The following SPPL2B variants were observed in gnomAD, a reference collection of about 807,000 sequenced individuals.
The protein encoded by SPPL2B is signal peptide peptidase like 2B.
SPPL2B carries 39 observed loss-of-function variants against 59.7 expected under a neutral mutation model. That is an observed-to-expected ratio of 0.65 (90% CI 0.51 to 0.85). The LOEUF is 0.85. SPPL2B is among the 40% of genes least tolerant of loss of function. SPPL2B has a pLI of 0.00. For synonymous variants in SPPL2B, 419 were observed against 370.8 expected, an observed-to-expected ratio of 1.13 and a Z score of -1.49; for missense variants, 865 against 849.0, an observed-to-expected ratio of 1.02 and a Z score of -0.23.
rs778271341 is a variant in SPPL2B, at chr19:2,351,429, C to T, written c.1355-5C>T. 5.0e-6 allele frequency: 8 copies of T among 1,596,052 alleles called. No individual in the cohort carries two copies. The African/African-American group carries it at 8.0e-5, about 16-fold the overall frequency. ...GCTGAGGTGATGCCTCCTCTGTCCCCACAGCCTATGGCGTTGGCCTCCTTG... is the reference window on the plus strand; with the variant it reads ...GCTGAGGTGATGCCTCCTCTGTCCCTACAGCCTATGGCGTTGGCCTCCTTG... On this transcript the variant is annotated splice_polypyrimidine_tract_variant and splice_region_variant and intron_variant, in intron 13 of 14. Coordinates refer to ENST00000613503, the MANE Select transcript of SPPL2B (RefSeq NM_152988.3).
chr19:2,342,681 G>A (rs1056668142), intron 8 of SPPL2B: 2 of 155,590 alleles, frequency 1.3e-5, no homozygotes, highest in Non-Finnish European at 2.9e-5. Flanking sequence ...GTTTGGAGGG[G>A]TCAGTGCCCA....
At chr19:2,340,828 C>A in intron 7 of SPPL2B, 70 bp from the exon 8 acceptor site, 1 of 959,828 alleles carries the variant, frequency 1.0e-6, no homozygotes, top group Non-Finnish European at 1.6e-6. Context: ...GGGCCGGTCC[C>A]AAGGGTGGTG....
chr19:2,336,503 TATGTGC>T (rs1968622114), intron 2 of SPPL2B, among the ~76,000 whole-genome samples: 1 of 151,662 alleles, frequency 6.6e-6, no homozygotes, highest in South Asian at 2.1e-4. Context: ...GTGTAATAGG[TATGTGC>T]GTGTGAGTGT....
chr19:2,337,230 C>T (rs1013375932), intron 2 of SPPL2B: 6 of 486,670 alleles, frequency 1.2e-5, no homozygotes, highest in Non-Finnish European at 2.2e-5. Context: ...AGGACTCCGG[C>T]CCCGCTCAGA....
At chr19:2,343,352 G>A in intron 9 of SPPL2B, 60 bp downstream of exon 9, 1 of 1,394,804 alleles carries the variant, frequency 7.2e-7, no homozygotes, top group East Asian at 2.5e-5. Flanking sequence ...CTTCATCCTA[G>A]CCTGGCCCGT....
At chr19:2,339,467 G>A (rs1162580609) in intron 5 of SPPL2B, among the ~76,000 whole-genome samples, 3 of 152,200 alleles carry the variant, frequency 2.0e-5, no homozygotes, top group South Asian at 2.1e-4. Flanking sequence ...CAGGTGCAGG[G>A]CTGGGCAGGT....
Position 2,344,602 on chromosome 19 carries a change from T to C in SPPL2B, c.1226T>C (p.Leu409Pro). ...VPRLNSSPLA[L>P]CDRPFSLLGF... ...AGGCTGAACTCCTCACCTCTGGCCC[T>C]GTGTGACCGGCCCTTCTCCCTCCTG... The change falls in exon 12 of 15, where the codon CTG becomes CCG. Residue 409 changes from leucine (L) to proline (P), a missense_variant. By Grantham distance (98) the Leu-to-Pro change is moderately conservative (BLOSUM62 -3). Transcript: ENST00000613503. 5 of 1,613,166 alleles carry C rather than the reference T, an allele frequency of 3.1e-6. No homozygotes were observed. Among genetic ancestry groups the C allele is most frequent in the Non-Finnish European group, 4.2e-6 (5 of 1,179,624 alleles).
chr19:2,332,175 C>T lies in SPPL2B; in HGVS notation c.67-2427C>T, dbSNP rs1968323493. 6.6e-6 allele frequency among the ~76,000 whole-genome samples: 1 copy of T among 152,190 alleles called. No homozygotes were observed. On this transcript the variant is annotated intron_variant, in intron 1 of 14. Coordinates refer to ENST00000613503, the MANE Select transcript of SPPL2B (RefSeq NM_152988.3). The surrounding 1 kb of genome is among the most constrained non-coding windows in gnomAD (Gnocchi z 4.6). The stretch of plus-strand genomic sequence containing the variant: ...GCTGTGGGAAGGAAGCAGCATTAGC[C>T]AAGAGCTATGAGACCCCCAGTCGAT...
chr19:2,343,739 C>T (rs113276999), intron 9 of SPPL2B, among the ~76,000 whole-genome samples: 61 of 152,300 alleles, frequency 4.0e-4, no homozygotes, highest in South Asian at 1.7e-3. Context: ...CTCCCGTCCC[C>T]GCCTTCCTGT....
At chr19:2,338,387 G>GGTCGTGT in intron 3 of SPPL2B, 1 of 174,564 alleles carries the variant, frequency 5.7e-6, no homozygotes, top group Admixed American at 6.1e-5. Flanking sequence ...CGTCGTAGTT[G>GGTCGTGT]AGAGAGGCCC....
At position 2,340,633 on chromosome 19, in the gene SPPL2B, A is replaced by G. The variant is rs868310826; in HGVS notation, c.840-265A>G. 74 of 561,104 alleles carry G rather than the reference A, an allele frequency of 1.3e-4. No homozygotes were observed. In the Middle Eastern group the frequency reaches 4.5e-3, roughly 34 times the overall value. 34.8% of individuals were successfully genotyped at this position (561,104 alleles called of 1,614,324 possible). On this transcript the variant is annotated intron_variant, in intron 7 of 14. Transcript: ENST00000613503. ...GGTGAGGAGGTGGGAGGTCTGGAGC[A>G]GGCAGGGCCTCGGGCGAAGGGGCGC...
At chr19:2,336,561 GGT>G (rs757861021) in intron 2 of SPPL2B, among the ~76,000 whole-genome samples, 72 of 151,990 alleles carry the variant, frequency 4.7e-4, no homozygotes, top group Middle Eastern at 3.4e-3. Context: ...GTGTGTAATA[GGT>G]GTGTGTGCGT....
rs73520601 is a variant in SPPL2B, at chr19:2,340,214, G to A, written c.839+42G>A. On this transcript the variant is annotated intron_variant, in intron 7 of 14. Coordinates refer to ENST00000613503, the MANE Select transcript of SPPL2B (RefSeq NM_152988.3). Reference sequence around the variant, plus strand: ...GGCCCCGACGTGCCTGACTCTGTGCGGTGATGGCCACGGCCCCTTTGCCGC... The same window carrying A: ...GGCCCCGACGTGCCTGACTCTGTGCAGTGATGGCCACGGCCCCTTTGCCGC... The A allele has an allele frequency of 2.1e-3, 3,112 of 1,448,006 alleles. 48 individuals are homozygous for A. The African/African-American group carries it at 0.037, about 17-fold the overall frequency. The allele number at this position is 1,448,006 out of a possible 1,614,324, so 89.7% of individuals were successfully genotyped here.
At chr19:2,337,101 C>T (rs576510733) in intron 2 of SPPL2B, 7 of 241,980 alleles carry the variant, frequency 2.9e-5, no homozygotes, top group Admixed American at 5.3e-5. Flanking sequence ...TGGAAACCCT[C>T]CCCCTTCTCA....
Position 2,340,189 on chromosome 19 carries a change from G to A in SPPL2B, c.839+17G>A. On this transcript the variant is annotated intron_variant, in intron 7 of 14. Transcript: ENST00000613503. The stretch of plus-strand genomic sequence containing the variant: ...CAAGTGCAGGTGAGTCTGCCCTGCT[G>A]GCCCCGACGTGCCTGACTCTGTGCG... 2 of 1,532,742 alleles carry A rather than the reference G, an allele frequency of 1.3e-6. No individual in the cohort carries two copies. The allele number at this position is 1,532,742 out of a possible 1,614,324, so 94.9% of individuals were successfully genotyped here.
At position 2,338,827 on chromosome 19, in the gene SPPL2B, C is replaced by T; in HGVS notation, c.445C>T (p.Leu149=). Residue 149 remains leucine, a synonymous_variant, in exon 4 of 15, where the codon CTG becomes TTG. Coordinates refer to ENST00000613503, the MANE Select transcript of SPPL2B (RefSeq NM_152988.3). ...PVALLSYKDM[L]DIFTRFGRTV... ...GGCCCTGCTCAGCTACAAAGACATG[C>T]TGGACATCTTCACGGTAGGTCTGCG... 6.2e-7 allele frequency: 1 copy of T among 1,613,488 alleles called. No individual in the cohort carries two copies. The highest frequency in any genetic ancestry group is 8.5e-7 in the Non-Finnish European group (1 of 1,179,608).
At position 2,339,123 on chromosome 19, in the gene SPPL2B, G is replaced by A. The variant is rs754920039; in HGVS notation, c.514G>A (p.Asp172Asn). ...GTATGCGCCTAAGGAGCCGGTGCTGGACTACAACATGGTCATCATCTTCAT... is the reference window on the plus strand; with the variant it reads ...GTATGCGCCTAAGGAGCCGGTGCTGAACTACAACATGGTCATCATCTTCAT... ...ALYAPKEPVL[D>N]YNMVIIFIMA... Residue 172 changes from aspartate to asparagine, a missense_variant, in exon 5 of 15, where the codon GAC (aspartate) becomes AAC (asparagine). Asp to Asn is a conservative substitution (Grantham distance 23, BLOSUM62 1). Transcript: ENST00000613503. The A allele has an allele frequency of 6.3e-7, 1 of 1,586,342 alleles. No homozygotes were observed. Among genetic ancestry groups the A allele is most frequent in the Non-Finnish European group, 8.6e-7 (1 of 1,166,562 alleles).
At position 2,328,694 on chromosome 19, in the gene SPPL2B, G is replaced by A. The variant is rs767059440; in HGVS notation, c.-16G>A. The stretch of plus-strand genomic sequence containing the variant: ...TGGGAAACATCTGCCGTTGGTTGCG[G>A]CGGGCACCGGCCGACATGGCGGCAG... On this transcript the variant is annotated 5_prime_UTR_variant, in exon 1 of 15. Transcript: ENST00000613503. 1.6e-5 allele frequency: 23 copies of A among 1,434,040 alleles called. No individual in the cohort carries two copies. The highest frequency in any genetic ancestry group is 2.1e-5 in the Non-Finnish European group (23 of 1,103,840). The allele number at this position is 1,434,040 out of a possible 1,614,324, so 88.8% of individuals were successfully genotyped here.
At position 2,332,185 on chromosome 19, in the gene SPPL2B, G is replaced by A. The variant is rs887140231; in HGVS notation, c.67-2417G>A. Among the ~76,000 whole-genome samples, 6 of 152,222 alleles carry A rather than the reference G, an allele frequency of 3.9e-5. No homozygotes were observed. Among genetic ancestry groups the A allele is most frequent in the African/African-American group, 7.2e-5 (3 of 41,458 alleles). ...GGAAGCAGCATTAGCCAAGAGCTAT[G>A]AGACCCCCAGTCGATTGTGGGGACC... On this transcript the variant is annotated intron_variant, in intron 1 of 14. Transcript: ENST00000613503. The surrounding 1 kb of genome is among the most constrained non-coding windows in gnomAD (Gnocchi z 4.6).
Sources: gnomAD v4.1 joint callset for allele counts (sites outside exome capture counted in the v4.1 genomes callset) on GRCh38, gnomAD v4.1.1 for gene constraint, Gnocchi (gnomAD v3.1) non-coding constraint, MANE v1.5 for transcripts, NCBI Gene and HGNC (gene_info 2026-07-23, HGNC 2026-07-21) for gene names.